Variants in RERE observed in about 807,000 individuals in gnomAD.
RERE encodes arginine-glutamic acid dipeptide repeats.
RERE carries 40 observed loss-of-function variants against 146.1 expected under a neutral mutation model. The observed-to-expected ratio is 0.27, with a 90% CI of 0.21 to 0.36. RERE has a LOEUF of 0.36. Ranked by LOEUF, RERE falls within the 10% of genes least tolerant of loss-of-function variation. The pLI is 1.00. For missense variants in RERE, 1,933 were observed against 2,138.7 expected (o/e 0.90, Z 1.90); for synonymous variants, 1,003 against 866.0 (o/e 1.16, Z -2.78).
chr1:8,700,354 C>G (rs1007366379), intron 1 of RERE, among the ~76,000 whole-genome samples: 8 of 151,960 alleles, frequency 5.3e-5, no homozygotes, highest in African/African-American at 1.5e-4. Context: ...CAGCTCTGGA[C>G]AGTAGTATCT....
At chr1:8,574,628 AC>A (rs1258040393) in intron 4 of RERE, among the ~76,000 whole-genome samples, 1 of 152,192 alleles carries the variant, frequency 6.6e-6, no homozygotes, top group Non-Finnish European at 1.5e-5. Flanking sequence ...ACTGCAACTT[AC>A]AAAAACATGA....
chr1:8,356,034 C>T lies in RERE; in HGVS notation c.4486+66G>A, dbSNP rs1195275892. On this transcript the variant is annotated intron_variant, in intron 21 of 22. Transcript: ENST00000400908. The surrounding 1 kb of genome is among the most constrained non-coding windows in gnomAD (Gnocchi z 5.2). ...TGAATGAATGAGTAATGAATGAAGA[C>T]AGCAGACCAGACCCCAACCCAACCC... 19 of 1,427,690 alleles carry T rather than the reference C, an allele frequency of 1.3e-5. No individual in the cohort carries two copies. The East Asian group carries it at 2.7e-4, about 20-fold the overall frequency. The allele number at this position is 1,427,690 out of a possible 1,614,324, so 88.4% of individuals were successfully genotyped here.
At chr1:8,373,991 G>A (rs765787577) in intron 12 of RERE, among the ~76,000 whole-genome samples, 8 of 152,304 alleles carry the variant, frequency 5.3e-5, no homozygotes, top group South Asian at 2.1e-4. Context: ...CACTGTCAGC[G>A]GGCTCTGCTG....
intron 12 of RERE, among the ~76,000 whole-genome samples, chr1:8,382,667 CCT>C (rs140149948): frequency 0.032 from 4,819 of 152,306 alleles, 106 homozygotes; most frequent in African/African-American, 0.049. Flanking sequence ...CTGAGGCTTA[CCT>C]CTCTCAGAAC....
At chr1:8,457,922 G>T (rs1644471760) in intron 11 of RERE, among the ~76,000 whole-genome samples, 1 of 152,078 alleles carries the variant, frequency 6.6e-6, no homozygotes, top group African/African-American at 2.4e-5. Context: ...TTAGATTTAA[G>T]ACAGAAGTAT....
At chr1:8,520,776 A>AC (rs1645486467) in intron 7 of RERE, among the ~76,000 whole-genome samples, 2 of 150,260 alleles carry the variant, frequency 1.3e-5, no homozygotes, top group Admixed American at 6.6e-5. Flanking sequence ...AAAAAAAAAA[A>AC]CCACTATGAC....
rs1644591776 is a variant in RERE at position 8,466,018 on chromosome 1, A to C, written c.1110T>G (p.His370Gln). The C allele has an allele frequency of 6.2e-7, 1 of 1,608,384 alleles. No homozygotes were observed. Among genetic ancestry groups the C allele is most frequent in the Admixed American group, 1.7e-5 (1 of 59,766 alleles). The change falls in exon 11 of 23, where the codon CAT becomes CAG. Residue 370 changes from histidine (H) to glutamine (Q), a missense_variant. Physicochemically the swap from His to Gln is conservative, Grantham distance 24 (BLOSUM62 0). Around this residue, in one of 11 missense-constraint regions of RERE, gnomAD observed 260 missense variants for 378.4 expected, o/e 0.69. Transcript: ENST00000400908. ...DTTLNALNTL[H>Q]ESGYDAGKAL... ...CTTTGCCAGCATCGTAACCGCTTTCATGCAGCTAAAACAACAACAATTATA... is the reference window on the plus strand; with the variant it reads ...CTTTGCCAGCATCGTAACCGCTTTCCTGCAGCTAAAACAACAACAATTATA...
chr1:8,607,937 G>T (rs1481491614), intron 4 of RERE, among the ~76,000 whole-genome samples: 1 of 152,060 alleles, frequency 6.6e-6, no homozygotes, highest in Non-Finnish European at 1.5e-5. Flanking sequence ...TGTTGGCCAG[G>T]TTGGCCTCGA....
intron 4 of RERE, among the ~76,000 whole-genome samples, chr1:8,580,027 C>G (rs1646344688): frequency 6.6e-6 from 1 of 152,012 alleles, no homozygotes; most frequent in South Asian, 2.1e-4. Flanking sequence ...AGAAAAAACA[C>G]AAGATAAAGG....
chr1:8,691,289 G>T (rs749417601), intron 1 of RERE, among the ~76,000 whole-genome samples: 5 of 152,078 alleles, frequency 3.3e-5, no homozygotes, highest in Non-Finnish European at 1.5e-5. Flanking sequence ...ATGCTCAGAA[G>T]GTCTGGTTTT....
chr1:8,472,705 C>T (rs537937363), intron 10 of RERE, among the ~76,000 whole-genome samples: 2 of 152,136 alleles, frequency 1.3e-5, no homozygotes, highest in Non-Finnish European at 2.9e-5. Flanking sequence ...CAAGATAAAG[C>T]ATCTTGACTC....
At chr1:8,390,280 T>C (rs185581027) in intron 12 of RERE, among the ~76,000 whole-genome samples, 2 of 152,126 alleles carry the variant, frequency 1.3e-5, no homozygotes, top group African/African-American at 4.8e-5. Context: ...AGAGAGGCCT[T>C]TGGCACATCT....
intron 11 of RERE, among the ~76,000 whole-genome samples, chr1:8,444,443 A>C (rs1383618925): frequency 1.3e-5 from 2 of 152,174 alleles, no homozygotes; most frequent in African/African-American, 2.4e-5. Flanking sequence ...CTCAGATAAG[A>C]CTTAGGACTT....
intron 12 of RERE, among the ~76,000 whole-genome samples, chr1:8,378,004 T>C (rs1346561155): frequency 2.0e-5 from 3 of 152,198 alleles, no homozygotes; most frequent in Non-Finnish European, 4.4e-5. Context: ...CTCTTATATT[T>C]TATGGTTTTT....
At chr1:8,703,115 G>A (rs1331832969) in intron 1 of RERE, 2 of 152,116 alleles carry the variant, frequency 1.3e-5, no homozygotes, top group Non-Finnish European at 2.9e-5. Context: ...TCCGGCGCAG[G>A]GCCCCGCCAA....
intron 7 of RERE, 42 bp downstream of exon 7, chr1:8,541,172 G>A: frequency 9.1e-7 from 1 of 1,103,102 alleles, no homozygotes; most frequent in Non-Finnish European, 1.4e-6. Context: ...AATGAGAAAA[G>A]GAAAAGAGTT....
intron 2 of RERE, among the ~76,000 whole-genome samples, chr1:8,628,730 AAAGAT>A (rs1384174586): frequency 1.3e-5 from 2 of 152,234 alleles, no homozygotes; most frequent in African/African-American, 4.8e-5. Context: ...TTGAAAAGGG[AAAGAT>A]AAGAACGTAG....
intron 7 of RERE, among the ~76,000 whole-genome samples, chr1:8,516,236 A>AAAAAAAAAAAAAAAAAT (rs1645415367): frequency 6.7e-6 from 1 of 149,940 alleles, no homozygotes; most frequent in Non-Finnish European, 1.5e-5. Flanking sequence ...GGAAAAAAAA[A>AAAAAAAAAAAAAAAAAT]AAAAAAAAAA....
chr1:8,580,892 T>C (rs932917479), intron 4 of RERE, among the ~76,000 whole-genome samples: 11 of 152,142 alleles, frequency 7.2e-5, no homozygotes, highest in Non-Finnish European at 2.9e-5. Context: ...AGAGGTGTCA[T>C]TTCACTATGT....
Sources: allele counts gnomAD v4.1 joint callset (sites outside exome capture counted in the v4.1 genomes callset), GRCh38; gene constraint gnomAD v4.1.1; regional missense constraint gnomAD v4.1.1; non-coding constraint Gnocchi (gnomAD v3.1); transcripts MANE v1.5; gene names NCBI Gene and HGNC (gene_info 2026-07-23, HGNC 2026-07-21).